Variants in CHST11 observed in about 807,000 individuals in gnomAD.
The protein encoded by CHST11 is C4S-1.
In CHST11, 9 loss-of-function variants were observed where a neutral mutation model predicts 30.4. The ratio of observed to expected loss-of-function variants is 0.30; its 90% CI spans 0.18 to 0.52. The LOEUF (loss-of-function observed/expected upper bound fraction) is 0.52, where lower values mean the gene tolerates loss of function less well. Among genes scored for constraint, CHST11 ranks in the 20% least tolerant of loss-of-function variants. CHST11 has a pLI of 0.97. For missense variants in CHST11, 348 were observed against 460.6 expected (o/e 0.76, Z 2.24); for synonymous variants, 152 against 187.8 (o/e 0.81, Z 1.56).
At chr12:104,746,113 A>G (rs1317641411) in intron 2 of CHST11, among the ~76,000 whole-genome samples, 2 of 152,128 alleles carry the variant, frequency 1.3e-5, no homozygotes, top group African/African-American at 4.8e-5. Flanking sequence ...AAACATCTCG[A>G]AAGACCAGGT....
At chr12:104,553,118 T>A (rs569701074) in intron 1 of CHST11, 1 of 152,342 alleles carries the variant, frequency 6.6e-6, no homozygotes, top group African/African-American at 2.4e-5. Context: ...AGTACCTTTC[T>A]TATACATCTG....
chr12:104,693,655 G>A (rs1360071722), intron 2 of CHST11, among the ~76,000 whole-genome samples: 1 of 152,188 alleles, frequency 6.6e-6, no homozygotes. Flanking sequence ...ATGAGAAGTT[G>A]GGAGCACAGA....
chr12:104,682,326 C>T (rs561351844), intron 2 of CHST11, among the ~76,000 whole-genome samples: 11 of 152,026 alleles, frequency 7.2e-5, no homozygotes, highest in African/African-American at 1.9e-4. Context: ...CTGAGCATGC[C>T]GTTGAGGAAT....
chr12:104,629,250 G>A (rs779778616), intron 2 of CHST11, among the ~76,000 whole-genome samples: 6 of 152,140 alleles, frequency 3.9e-5, no homozygotes, highest in Non-Finnish European at 7.3e-5. Flanking sequence ...CCACAGTTTT[G>A]ATGAGCCAGG....
chr12:104,713,587 G>A (rs936510267), intron 2 of CHST11, among the ~76,000 whole-genome samples: 5 of 152,174 alleles, frequency 3.3e-5, no homozygotes, highest in Non-Finnish European at 7.3e-5. Context: ...GTAGGTAACA[G>A]GAGCCGATAC....
At chr12:104,491,855 C>T (rs2037750324) in intron 1 of CHST11, among the ~76,000 whole-genome samples, 1 of 152,170 alleles carries the variant, frequency 6.6e-6, no homozygotes, top group Non-Finnish European at 1.5e-5. Flanking sequence ...GCCCACAAGA[C>T]TCTTCAAGAC....
At chr12:104,712,166 C>T (rs1237847345) in intron 2 of CHST11, among the ~76,000 whole-genome samples, 1 of 152,116 alleles carries the variant, frequency 6.6e-6, no homozygotes, top group Non-Finnish European at 1.5e-5. Context: ...CCAACTGTAC[C>T]ATTTGGTTTC....
At chr12:104,521,178 G>A (rs1249793192) in intron 1 of CHST11, among the ~76,000 whole-genome samples, 1 of 152,188 alleles carries the variant, frequency 6.6e-6, no homozygotes, top group African/African-American at 2.4e-5. Context: ...TTGTATTCGA[G>A]TCTACCCTGG....
rs115489945 is a variant in CHST11 at position 104,709,269 on chromosome 12, C to T, written c.205-47680C>T. Among the ~76,000 whole-genome samples the T allele has an allele frequency of 5.6e-3, 846 of 152,328 alleles. 5 individuals are homozygous for T. Among genetic ancestry groups the T allele is most frequent in the African/African-American group, 0.019 (785 of 41,562 alleles). ...CAGCCTCGCCCCCACACCCAGGGTT[C>T]GCTCCAGGGCCTTCTCTCTCTCCTC... is the stretch of plus-strand genomic sequence containing the variant. On this transcript the variant is annotated intron_variant, in intron 2 of 2. Coordinates refer to ENST00000303694, the MANE Select transcript of CHST11 (RefSeq NM_018413.6).
chr12:104,737,417 G>A lies in CHST11; in HGVS notation c.205-19532G>A, dbSNP rs546328593. Among the ~76,000 whole-genome samples, 29 of 152,390 alleles carry A rather than the reference G, an allele frequency of 1.9e-4. 1 individual carries two copies. Among genetic ancestry groups the A allele is most frequent in the African/African-American group, 6.0e-4 (25 of 41,598 alleles). On this transcript the variant is annotated intron_variant, in intron 2 of 2. Coordinates refer to ENST00000303694, the MANE Select transcript of CHST11 (RefSeq NM_018413.6). ...TGAGCCTCAGTTGACTCATTTGTAA[G>A]TTGGGGATATCACTTTGGGGATTAT...
At chr12:104,635,924 A>G (rs944924628) in intron 2 of CHST11, among the ~76,000 whole-genome samples, 7 of 152,224 alleles carry the variant, frequency 4.6e-5, no homozygotes, top group African/African-American at 1.2e-4. Context: ...GCCTTAATGA[A>G]CATCATTGTC....
At chr12:104,602,124 G>T (rs767008255) in intron 2 of CHST11, 133 bp downstream of exon 2, 1 of 653,392 alleles carries the variant, frequency 1.5e-6, no homozygotes, top group Non-Finnish European at 2.7e-6. Context: ...TTCAGTGGTT[G>T]CTTTCTCCGT....
intron 2 of CHST11, among the ~76,000 whole-genome samples, chr12:104,703,824 TTTCCCCATTAG>T (rs1167207809): frequency 6.6e-6 from 1 of 152,210 alleles, no homozygotes; most frequent in Non-Finnish European, 1.5e-5. Context: ...TTCCTCCAGG[TTTCCCCATTAG>T]TTCCCTCACT....
At chr12:104,677,011 C>T (rs1335088232) in intron 2 of CHST11, among the ~76,000 whole-genome samples, 1 of 152,156 alleles carries the variant, frequency 6.6e-6, no homozygotes, top group African/African-American at 2.4e-5. Flanking sequence ...TTCATTTCTT[C>T]GCCCTTCTCC....
At chr12:104,513,929 A>C (rs953642265) in intron 1 of CHST11, 1 of 520,950 alleles carries the variant, frequency 1.9e-6, no homozygotes, top group African/African-American at 1.9e-5. Context: ...ATAAAGGAAT[A>C]CCTGAGGCTG....
chr12:104,640,380 A>G (rs2039364416), intron 2 of CHST11, among the ~76,000 whole-genome samples: 1 of 152,218 alleles, frequency 6.6e-6, no homozygotes, highest in Non-Finnish European at 1.5e-5. Flanking sequence ...TCCATACAAC[A>G]GAATATTATT....
intron 2 of CHST11, among the ~76,000 whole-genome samples, chr12:104,646,549 C>T (rs113646885): frequency 0.19 from 28,795 of 152,006 alleles, 3,166 homozygotes; most frequent in East Asian, 0.3. Flanking sequence ...CTGGCCAACA[C>T]GGTGAAACCT....
intron 1 of CHST11, among the ~76,000 whole-genome samples, chr12:104,459,003 C>T (rs922117635): frequency 6.6e-6 from 1 of 152,190 alleles, no homozygotes; most frequent in Admixed American, 6.5e-5. Context: ...CGGTCTGGAG[C>T]AGTTGTTAAG....
intron 1 of CHST11, among the ~76,000 whole-genome samples, chr12:104,560,006 T>C (rs534616038): frequency 2.0e-5 from 3 of 152,236 alleles, no homozygotes; most frequent in African/African-American, 7.2e-5. Flanking sequence ...GAGCAGAGAC[T>C]GAAGGGATGG....
Sources: gnomAD v4.1 joint callset for allele counts (sites outside exome capture counted in the v4.1 genomes callset) on GRCh38, gnomAD v4.1.1 for gene constraint, MANE v1.5 for transcripts, NCBI Gene and HGNC (gene_info 2026-07-23, HGNC 2026-07-21) for gene names.